The following NRIP1 variants were observed in gnomAD, a reference collection of about 807,000 sequenced individuals.
NRIP1 encodes nuclear receptor-interacting protein 1.
NRIP1 carries 28 observed loss-of-function variants against 75.0 expected under a neutral mutation model. The ratio of observed to expected loss-of-function variants is 0.37; its 90% CI spans 0.28 to 0.51. The LOEUF is 0.51. Among genes scored for constraint, NRIP1 ranks in the 20% least tolerant of loss-of-function variants. NRIP1 has a pLI of 0.92. For missense variants in NRIP1, 1,435 were observed against 1,343.7 expected (o/e 1.07, Z -1.06); for synonymous variants, 526 against 487.6 (o/e 1.08, Z -1.04).
chr21:14,975,588 C>G (rs1488384920), intron 3 of NRIP1, among the ~76,000 whole-genome samples: 1 of 140,384 alleles, frequency 7.1e-6, no homozygotes, highest in Non-Finnish European at 1.5e-5. Context: ...CTGTACACCG[C>G]ATTCTAGCCT....
chr21:14,978,838 T>C (rs2087152221), intron 3 of NRIP1, among the ~76,000 whole-genome samples: 1 of 152,154 alleles, frequency 6.6e-6, no homozygotes, highest in Non-Finnish European at 1.5e-5. Context: ...AAGTTAAAAA[T>C]CAAAGATCTA....
chr21:14,976,009 T>C (rs2087055440), intron 3 of NRIP1, among the ~76,000 whole-genome samples: 1 of 152,168 alleles, frequency 6.6e-6, no homozygotes, highest in East Asian at 1.9e-4. Flanking sequence ...TTATCCTTCC[T>C]ACCACTTACA....
At chr21:14,980,487 T>A (rs1479444757) in intron 3 of NRIP1, among the ~76,000 whole-genome samples, 1 of 151,586 alleles carries the variant, frequency 6.6e-6, no homozygotes, top group African/African-American at 2.4e-5. Flanking sequence ...TAAAATAAAA[T>A]AAAATAAAAA....
chr21:15,054,127 C>T (rs1025772655), intron 1 of NRIP1, among the ~76,000 whole-genome samples: 1 of 152,134 alleles, frequency 6.6e-6, no homozygotes, highest in Non-Finnish European at 1.5e-5. Context: ...CATAGATGGG[C>T]TTCATATACT....
chr21:14,990,819 C>G (rs555192674), intron 3 of NRIP1, among the ~76,000 whole-genome samples: 11 of 152,270 alleles, frequency 7.2e-5, no homozygotes, highest in African/African-American at 2.2e-4. Flanking sequence ...TCTATCATTT[C>G]TAGCATCATA....
Position 14,967,673 on chromosome 21 carries a change from CCTT to C in NRIP1, c.517_519del (p.Lys173del). ...GATGCAACACCATAGCACCTTAAAT[CCTT>C]CTCCACTTTTAAAGAATCATGACTG... On this transcript the variant is annotated inframe_deletion, in exon 4 of 4. Transcript: ENST00000318948. The C allele has an allele frequency of 6.2e-7, 1 of 1,614,074 alleles. No individual in the cohort carries two copies. The highest frequency in any genetic ancestry group is 8.5e-7 in the Non-Finnish European group (1 of 1,180,002).
chr21:15,062,493 C>T (rs548891892), intron 1 of NRIP1, among the ~76,000 whole-genome samples: 1 of 152,314 alleles, frequency 6.6e-6, no homozygotes, highest in East Asian at 1.9e-4. Context: ...CCTTGGCGCA[C>T]AAACTGAAAA....
chr21:15,021,626 A>T (rs1032677649), intron 2 of NRIP1, among the ~76,000 whole-genome samples: 20 of 152,242 alleles, frequency 1.3e-4, no homozygotes, highest in Admixed American at 1.3e-3. Flanking sequence ...CAAAATCATA[A>T]ATTTATTTAA....
At chr21:15,013,434 C>T (rs1392739291) in intron 3 of NRIP1, among the ~76,000 whole-genome samples, 1 of 152,166 alleles carries the variant, frequency 6.6e-6, no homozygotes, top group African/African-American at 2.4e-5. Context: ...TTTTGAAACA[C>T]TGTGGTCAGG....
chr21:15,023,175 A>T (rs1385084207), intron 2 of NRIP1, among the ~76,000 whole-genome samples: 1 of 152,202 alleles, frequency 6.6e-6, no homozygotes. Flanking sequence ...GAACATAAAA[A>T]CTACGGAACT....
At chr21:15,005,553 G>A (rs1175412041) in intron 3 of NRIP1, among the ~76,000 whole-genome samples, 4 of 152,104 alleles carry the variant, frequency 2.6e-5, no homozygotes, top group African/African-American at 7.2e-5. Context: ...GCCTGCAGGC[G>A]CCCTTGTACT....
At chr21:15,008,457 G>A (rs1568976212) in intron 3 of NRIP1, among the ~76,000 whole-genome samples, 1 of 152,074 alleles carries the variant, frequency 6.6e-6, no homozygotes, top group Non-Finnish European at 1.5e-5. Flanking sequence ...GGGGTAGGGG[G>A]AAAATTGACA....
In NRIP1 at chr21:14,966,680, G is replaced by A. The variant is rs377182215; in HGVS notation, c.1513C>T (p.Leu505Phe). The A allele has an allele frequency of 2.2e-5, 36 of 1,613,986 alleles. No individual in the cohort carries two copies. The highest frequency in any genetic ancestry group is 2.5e-5 in the Non-Finnish European group (29 of 1,180,016). ...ACATTTTCTTCATTCTTATGGCCAA[G>A]TAGCAATTGAAGAAGTGTTACTTTC... ...HQKVTLLQLL[L>F]GHKNEENVEK... Residue 505 changes from leucine to phenylalanine, a missense_variant, in exon 4 of 4, where the codon CTT becomes TTT. By Grantham distance (22) the Leu-to-Phe change is conservative. Coordinates refer to ENST00000318948, the MANE Select transcript of NRIP1 (RefSeq NM_003489.4).
At chr21:15,063,643 A>G (rs1978532874) in intron 1 of NRIP1, among the ~76,000 whole-genome samples, 1 of 152,192 alleles carries the variant, frequency 6.6e-6, no homozygotes, top group African/African-American at 2.4e-5. Flanking sequence ...CTCTTCCTCT[A>G]AGGACACAAT....
Position 14,965,187 on chromosome 21 carries a change from G to A in NRIP1, c.3006C>T (p.Tyr1002=). 1.2e-6 allele frequency: 2 copies of A among 1,613,578 alleles called. No individual in the cohort carries two copies. Among genetic ancestry groups the A allele is most frequent in the Non-Finnish European group, 1.7e-6 (2 of 1,179,920 alleles). Residue 1002 remains tyrosine, a synonymous_variant, in exon 4 of 4, where the codon TAC becomes TAT. Transcript: ENST00000318948. ...SSCMDNRTFS[Y]PGVVKTPVSP... is the part of the protein sequence containing the mutation. ...TCACAGGAGTTTTTACTACACCTGG[G>A]TATGAAAATGTCCTGTTATCCATGC...
At chr21:15,045,631 A>G (rs1264634079) in intron 1 of NRIP1, among the ~76,000 whole-genome samples, 1 of 152,234 alleles carries the variant, frequency 6.6e-6, no homozygotes, top group Non-Finnish European at 1.5e-5. Flanking sequence ...CAAGACAACA[A>G]TGAAGTTTGC....
chr21:15,063,925 C>T (rs1370857119), intron 1 of NRIP1, among the ~76,000 whole-genome samples: 1 of 152,184 alleles, frequency 6.6e-6, no homozygotes, highest in South Asian at 2.1e-4. Context: ...CCAGCCTGTC[C>T]GCCTCTAAGA....
At chr21:15,043,980 G>A (rs1348077357) in intron 1 of NRIP1, among the ~76,000 whole-genome samples, 12 of 152,142 alleles carry the variant, frequency 7.9e-5, no homozygotes, top group Middle Eastern at 3.4e-3. Flanking sequence ...CACCACGCCC[G>A]GCTAGTTTTT....
At chr21:15,059,071 A>T (rs1302260457) in intron 1 of NRIP1, among the ~76,000 whole-genome samples, 1 of 152,222 alleles carries the variant, frequency 6.6e-6, no homozygotes, top group African/African-American at 2.4e-5. Context: ...GACTTTGTTA[A>T]TTAGAAGTCC....
Sources: allele counts gnomAD v4.1 joint callset (sites outside exome capture counted in the v4.1 genomes callset), GRCh38; gene constraint gnomAD v4.1.1; transcripts MANE v1.5; gene names NCBI Gene and HGNC (gene_info 2026-07-23, HGNC 2026-07-21).